Variants in XKR9 observed in about 807,000 individuals in gnomAD.
XKR9 encodes the protein XK related 9.
A neutral mutation model predicts 32.0 loss-of-function variants in XKR9; 32 were observed. The observed-to-expected ratio is 1.00, with a 90% CI of 0.76 to 1.34. The LOEUF (loss-of-function observed/expected upper bound fraction) is 1.34. Ranked by LOEUF, XKR9 falls within the 40% of genes most tolerant of loss-of-function variation. XKR9 has a pLI of 0.00. For missense variants in XKR9, 546 were observed against 429.7 expected (o/e 1.27, Z -2.39); for synonymous variants, 168 against 143.4 (o/e 1.17, Z -1.22).
At chr8:70,694,848 T>G (rs114883035) in intron 3 of XKR9, among the ~76,000 whole-genome samples, 1,763 of 152,318 alleles carry the variant, frequency 0.012, 33 homozygotes, top group African/African-American at 0.038. Context: ...TTGCCATAGC[T>G]GCAGCTACTT....
chr8:70,976,644 A>C, the XKR9 span, among the ~76,000 whole-genome samples: 2 of 152,164 alleles, frequency 1.3e-5, no homozygotes, highest in African/African-American at 4.8e-5. Context: ...GATTTTTCAC[A>C]TCAATGTTCA....
the XKR9 span, among the ~76,000 whole-genome samples, chr8:70,906,034 C>T: frequency 6.6e-6 from 1 of 152,196 alleles, no homozygotes; most frequent in South Asian, 2.1e-4. Flanking sequence ...TGTCAGTCGG[C>T]CACTACTGGG....
the XKR9 span, among the ~76,000 whole-genome samples, chr8:70,800,090 A>G: frequency 1.3e-5 from 2 of 152,186 alleles, no homozygotes; most frequent in African/African-American, 2.4e-5. Flanking sequence ...AATTTTATCA[A>G]AAGCCTTTTC....
chr8:70,978,463 G>C, the XKR9 span, among the ~76,000 whole-genome samples: 1 of 152,170 alleles, frequency 6.6e-6, no homozygotes, highest in African/African-American at 2.4e-5. Flanking sequence ...TTGCTTGTCT[G>C]TAAAGGATTT....
At chr8:70,937,844 A>G in the XKR9 span, among the ~76,000 whole-genome samples, 3 of 152,090 alleles carry the variant, frequency 2.0e-5, no homozygotes, top group African/African-American at 7.2e-5. Context: ...AGGCCTTTCC[A>G]GTGGGATCTC....
At chr8:70,945,265 G>T in the XKR9 span, among the ~76,000 whole-genome samples, 1 of 152,142 alleles carries the variant, frequency 6.6e-6, no homozygotes, top group South Asian at 2.1e-4. Context: ...GTTGGTGCTT[G>T]GGAAAATAAT....
downstream of XKR9, among the ~76,000 whole-genome samples, chr8:70,740,475 G>A (rs1489221342): frequency 6.6e-6 from 1 of 152,210 alleles, no homozygotes; most frequent in African/African-American, 2.4e-5. Context: ...ACTCGTCAAA[G>A]TCATTCTCTG....
At chr8:70,812,111 T>A in the XKR9 span, among the ~76,000 whole-genome samples, 1,220 of 152,238 alleles carry the variant, frequency 8.0e-3, 31 homozygotes, top group African/African-American at 0.028. Flanking sequence ...GTGGGCTCCA[T>A]CCCTGGGATG....
chr8:70,996,633 T>C, the XKR9 span, among the ~76,000 whole-genome samples: 2 of 152,334 alleles, frequency 1.3e-5, no homozygotes, highest in East Asian at 3.9e-4. Flanking sequence ...AAATTGGATA[T>C]GCCATCATAA....
the XKR9 span, among the ~76,000 whole-genome samples, chr8:70,938,349 G>T: frequency 2.6e-5 from 4 of 152,026 alleles, no homozygotes; most frequent in African/African-American, 9.6e-5. Flanking sequence ...CAGTGAGAAA[G>T]ATGGAATAGG....
chr8:70,744,644 C>T (rs1807032860), intron 2 of XKR9, among the ~76,000 whole-genome samples: 1 of 152,210 alleles, frequency 6.6e-6, no homozygotes, highest in South Asian at 2.1e-4. Context: ...CTTGCTCTGT[C>T]ACCCAGGCTG....
chr8:70,786,347 G>T (rs1484787509), intron 2 of XKR9, among the ~76,000 whole-genome samples: 1 of 151,964 alleles, frequency 6.6e-6, no homozygotes, highest in Admixed American at 6.6e-5. Flanking sequence ...CTGTATGGAT[G>T]ATCTATTTAT....
the XKR9 span, among the ~76,000 whole-genome samples, chr8:70,964,209 A>G: frequency 6.6e-6 from 1 of 152,202 alleles, no homozygotes; most frequent in Admixed American, 6.5e-5. Context: ...TCCCAGAACC[A>G]TTTATTAAAT....
intron 2 of XKR9, among the ~76,000 whole-genome samples, chr8:70,742,798 TTTG>T (rs1282515812): frequency 6.6e-6 from 1 of 152,150 alleles, no homozygotes; most frequent in African/African-American, 2.4e-5. Context: ...CTGTGTGTAA[TTTG>T]TTGTTTTTCT....
At chr8:70,870,775 A>G in the XKR9 span, among the ~76,000 whole-genome samples, 1 of 152,202 alleles carries the variant, frequency 6.6e-6, no homozygotes, top group Non-Finnish European at 1.5e-5. Flanking sequence ...AGTCCTATGA[A>G]AAGATCAAAA....
At chr8:70,719,204 G>C (rs1037034424) in intron 4 of XKR9, among the ~76,000 whole-genome samples, 1 of 151,872 alleles carries the variant, frequency 6.6e-6, no homozygotes, top group Non-Finnish European at 1.5e-5. Context: ...CTGGATATTA[G>C]CCCTTTGTCA....
At chr8:70,790,174 A>G (rs904701523) in exon 4 of XKR9, 2 of 151,898 alleles carry the variant, frequency 1.3e-5, no homozygotes, top group Non-Finnish European at 2.9e-5. Flanking sequence ...TTCATCTAAA[A>G]TAGTGCTCTT....
chr8:70,918,201 A>C, the XKR9 span, among the ~76,000 whole-genome samples: 1 of 152,212 alleles, frequency 6.6e-6, no homozygotes, highest in Non-Finnish European at 1.5e-5. Context: ...TGCTGGTTAC[A>C]CAAAGGATGA....
At chr8:70,904,807 G>C in the XKR9 span, among the ~76,000 whole-genome samples, 1 of 152,144 alleles carries the variant, frequency 6.6e-6, no homozygotes, top group Non-Finnish European at 1.5e-5. Flanking sequence ...CTCTTCTAAG[G>C]CAGGCCTGGT....
Sources: allele counts gnomAD v4.1 joint callset (sites outside exome capture counted in the v4.1 genomes callset), GRCh38; gene constraint gnomAD v4.1.1; transcripts MANE v1.5; gene names NCBI Gene and HGNC (gene_info 2026-07-23, HGNC 2026-07-21).